C8B: variants seen among roughly 807,000 people sequenced by gnomAD.
The protein encoded by C8B is complement component C8 beta chain.
C8B carries 67 observed loss-of-function variants against 64.6 expected under a neutral mutation model. That is an observed-to-expected ratio of 1.04 (90% CI 0.85 to 1.27). The LOEUF (loss-of-function observed/expected upper bound fraction) is 1.27, where lower values mean the gene tolerates loss of function less well. Ranked by LOEUF, C8B falls within the 50% of genes most tolerant of loss-of-function variation. The pLI is 0.00. For synonymous variants in C8B, 284 were observed against 257.7 expected, an observed-to-expected ratio of 1.10 and a Z score of -0.98; for missense variants, 790 against 725.2, an observed-to-expected ratio of 1.09 and a Z score of -1.03.
At chr1:56,964,087 C>T (rs879748968) in intron 1 of C8B, 22 of 725,702 alleles carry the variant, frequency 3.0e-5, no homozygotes, top group Admixed American at 6.3e-5. Context: ...ACCACACATG[C>T]GTGAATCTTT....
At chr1:56,937,219 CT>C (rs1190119495) in intron 9 of C8B, among the ~76,000 whole-genome samples, 1 of 152,170 alleles carries the variant, frequency 6.6e-6, no homozygotes, top group Non-Finnish European at 1.5e-5. Context: ...AAGGTTGAGG[CT>C]TTCCAAACAG....
In C8B at chr1:56,965,926, G is replaced by A. The variant is rs764768819; in HGVS notation, c.23C>T (p.Ala8Val). 1 of 1,613,870 alleles carries A rather than the reference G, an allele frequency of 6.2e-7. No individual in the cohort carries two copies. Among genetic ancestry groups the A allele is most frequent in the Non-Finnish European group, 8.5e-7 (1 of 1,180,024 alleles). The change falls in exon 1 of 12, where the codon GCT becomes GTT. Residue 8 changes from alanine (A) to valine (V), a missense_variant. By Grantham distance (64) the Ala-to-Val change is moderately conservative. Coordinates refer to ENST00000371237, the MANE Select transcript of C8B (RefSeq NM_000066.4). ...AAATAGCTCCACCGGCGCCCTCCAA[G>A]CCCATGTCCTGGAATTCTTCATTTT... MKNSRTWAWRAPVELFLL... is the reference protein window; with the variant it reads MKNSRTWVWRAPVELFLL...
chr1:56,962,975 T>C (rs1645198953), intron 1 of C8B, among the ~76,000 whole-genome samples: 1 of 152,254 alleles, frequency 6.6e-6, no homozygotes, highest in East Asian at 1.9e-4. Context: ...TGTTCTATCA[T>C]ATGACACACA....
At chr1:56,962,971 A>G (rs768200990) in intron 1 of C8B, among the ~76,000 whole-genome samples, 1 of 152,198 alleles carries the variant, frequency 6.6e-6, no homozygotes, top group South Asian at 2.1e-4. Context: ...TGGATGTTCT[A>G]TCATATGACA....
At chr1:56,963,125 G>A (rs1390579892) in intron 1 of C8B, among the ~76,000 whole-genome samples, 1 of 152,182 alleles carries the variant, frequency 6.6e-6, no homozygotes, top group Non-Finnish European at 1.5e-5. Context: ...TGGCAAGGAG[G>A]TGTCTTTCCT....
chr1:56,959,889 G>T, intron 2 of C8B, 131 bp downstream of exon 2: 1 of 979,946 alleles, frequency 1.0e-6, no homozygotes, highest in Non-Finnish European at 1.6e-6. Context: ...AGGAAAGGAT[G>T]CATTTATTAA....
Position 56,956,873 on chromosome 1 carries a change from T to C in C8B, c.287A>G (p.His96Arg), listed in dbSNP as rs1042370531. ...GTCAGAGAAGTTGCACGGTTCCCCA[T>C]GGAACTGAGAGGGCTGGAGCAAGTA... ...YAYLLQPSQF[H>R]GEPCNFSDKE... Residue 96 changes from histidine to arginine, a missense_variant, in exon 3 of 12, where the codon CAT becomes CGT. Coordinates refer to ENST00000371237, the MANE Select transcript of C8B (RefSeq NM_000066.4). The C allele has an allele frequency of 4.3e-6, 7 of 1,613,940 alleles. No individual in the cohort carries two copies. The highest frequency in any genetic ancestry group is 5.9e-6 in the Non-Finnish European group (7 of 1,179,984).
chr1:56,942,183 G>C (rs1420710299), intron 8 of C8B, among the ~76,000 whole-genome samples: 1 of 152,228 alleles, frequency 6.6e-6, no homozygotes, highest in Non-Finnish European at 1.5e-5. Flanking sequence ...GTACTTACCA[G>C]ACGGCCCTGT....
Position 56,949,590 on chromosome 1 carries a change from G to C in C8B, c.829C>G (p.His277Asp), listed in dbSNP as rs147387692. 7.9e-5 allele frequency: 127 copies of C among 1,614,002 alleles called. No homozygotes were observed. The African/African-American group carries it at 1.6e-3, about 20-fold the overall frequency. ...AATCGTTTGGTTCTCCTAATATAGT[G>C]TTTGCCTCGATCACTTTGACTACTG... ...GISSQSDRGK[H>D]YIRRTKRFSH... Residue 277 changes from histidine to aspartate, a missense_variant, in exon 6 of 12, where the codon CAC (histidine) becomes GAC (aspartate). Coordinates refer to ENST00000371237, the MANE Select transcript of C8B (RefSeq NM_000066.4).
rs1010787918 is a variant in C8B, at chr1:56,943,113, A to G, written c.1234+583T>C. On this transcript the variant is annotated intron_variant, in intron 8 of 11. Transcript: ENST00000371237. ...AAAAAATAAAAAATAAATAAAAAAA[A>G]GCTGGGGGAGGGGAGGAGTCCTCAT... Among the ~76,000 whole-genome samples, 4 of 151,904 alleles carry G rather than the reference A, an allele frequency of 2.6e-5. No homozygotes were observed. In the East Asian group the frequency reaches 7.7e-4, roughly 29 times the overall value.
At chr1:56,950,768 A>T (rs1645009058) in intron 5 of C8B, among the ~76,000 whole-genome samples, 1 of 152,186 alleles carries the variant, frequency 6.6e-6, no homozygotes, top group South Asian at 2.1e-4. Context: ...GGTCCCTTTC[A>T]TCAGGCTTGT....
At chr1:56,952,327 A>G in intron 4 of C8B, 147 bp from the exon 5 acceptor site, 2 of 1,097,046 alleles carry the variant, frequency 1.8e-6, no homozygotes, top group Non-Finnish European at 2.7e-6. Flanking sequence ...TTCCAGCTTC[A>G]TTTATGGCCG....
chr1:56,936,431 A>G lies in C8B; in HGVS notation c.1399-2943T>C, dbSNP rs926530009. 2.6e-5 allele frequency among the ~76,000 whole-genome samples: 4 copies of G among 151,954 alleles called. 1 individual carries two copies. The South Asian group carries it at 8.3e-4, about 32-fold the overall frequency. Reference sequence around the variant, plus strand: ...AAACATTTTGCATCTTTATAAACCAACTGAGAAGTGTTCATCTCCTTTGAG... The same window carrying G: ...AAACATTTTGCATCTTTATAAACCAGCTGAGAAGTGTTCATCTCCTTTGAG... On this transcript the variant is annotated intron_variant, in intron 9 of 11. Transcript: ENST00000371237.
chr1:56,929,469 G>A lies in C8B; in HGVS notation c.1711C>T (p.Pro571Ser), dbSNP rs1326646072. 6.2e-7 allele frequency: 1 copy of A among 1,613,096 alleles called. No individual in the cohort carries two copies. Among genetic ancestry groups the A allele is most frequent in the African/African-American group, 1.3e-5 (1 of 74,880 alleles). The change falls in exon 12 of 12, where the codon CCA becomes TCA. Residue 571 changes from proline to serine, a missense_variant. By Grantham distance (74) the Pro-to-Ser change is moderately conservative (BLOSUM62 -1). Coordinates refer to ENST00000371237, the MANE Select transcript of C8B (RefSeq NM_000066.4). ...RKTRQRQCNN[P>S]PPQNGGSPCS... The stretch of plus-strand genomic sequence containing the variant: ...GGGCTACCCCCATTTTGAGGAGGTG[G>A]ATTGTTACACTGCCTTTGTCTTGTC...
intron 4 of C8B, 21 bp from the exon 5 acceptor site, chr1:56,952,201 T>C: frequency 1.9e-6 from 3 of 1,613,928 alleles, no homozygotes; most frequent in South Asian, 1.1e-5. Context: ...GAGACAGAGA[T>C]GGCGAAGAGG....
rs772627125 is a variant in C8B, at chr1:56,954,729, G to A, written c.490C>T (p.His164Tyr). 3.1e-6 allele frequency: 5 copies of A among 1,614,136 alleles called. No individual in the cohort carries two copies. Among genetic ancestry groups the A allele is most frequent in the Non-Finnish European group, 4.2e-6 (5 of 1,179,994 alleles). Residue 164 changes from histidine (H) to tyrosine (Y), a missense_variant, in exon 4 of 12, where the codon CAT becomes TAT. By Grantham distance (83) the His-to-Tyr change is moderately conservative (BLOSUM62 2). Coordinates refer to ENST00000371237, the MANE Select transcript of C8B (RefSeq NM_000066.4). ...NCRRIYKKCQ[H>Y]EMDQYWGIGS... is the part of the protein sequence containing the mutation. ...ATTCCCCAGTATTGGTCCATTTCAT[G>A]CTGACATTTTTTATAAATCCTTCTA...
At chr1:56,930,673 T>C (rs1644688095) in intron 11 of C8B, among the ~76,000 whole-genome samples, 2 of 152,200 alleles carry the variant, frequency 1.3e-5, no homozygotes. Context: ...TGTGTGACTA[T>C]TGGGTATGTT....
intron 11 of C8B, among the ~76,000 whole-genome samples, chr1:56,930,461 C>CTCCAACCA (rs1043742943): frequency 1.7e-4 from 26 of 152,196 alleles, no homozygotes; most frequent in African/African-American, 6.3e-4. Context: ...CCAAGGGCTC[C>CTCCAACCA]TCCAACCAAT....
intron 3 of C8B, among the ~76,000 whole-genome samples, chr1:56,955,656 T>C (rs1366535303): frequency 1.3e-5 from 2 of 152,210 alleles, no homozygotes; most frequent in African/African-American, 4.8e-5. Context: ...ATAACCATCA[T>C]GGCTTTCATC....
Sources: gnomAD v4.1 joint callset for allele counts (sites outside exome capture counted in the v4.1 genomes callset) on GRCh38, gnomAD v4.1.1 for gene constraint, MANE v1.5 for transcripts, NCBI Gene and HGNC (gene_info 2026-07-23, HGNC 2026-07-21) for gene names.